ROCK2: variants seen among roughly 807,000 people sequenced by gnomAD.
ROCK2 encodes rho-associated protein kinase 2.
In ROCK2, 61 loss-of-function variants were observed where a neutral mutation model predicts 195.1. The ratio of observed to expected loss-of-function variants is 0.31; its 90% CI spans 0.25 to 0.39. The LOEUF (loss-of-function observed/expected upper bound fraction) is 0.39, where lower values mean the gene tolerates loss of function less well. Ranked by LOEUF, ROCK2 falls within the 10% of genes least tolerant of loss-of-function variation. ROCK2 has a pLI of 1.00. For missense variants in ROCK2, 1,109 were observed against 1,637.4 expected (o/e 0.68, Z 5.57); for synonymous variants, 504 against 545.5 (o/e 0.92, Z 1.06).
intron 18 of ROCK2, 66 bp downstream of exon 18, chr2:11,211,615 A>C: frequency 7.0e-7 from 1 of 1,424,586 alleles, no homozygotes; most frequent in South Asian, 1.7e-5. Flanking sequence ...TTCAAAACCA[A>C]AAAGCTAACA....
At chr2:11,326,570 G>A (rs934101066) in intron 1 of ROCK2, among the ~76,000 whole-genome samples, 2 of 152,120 alleles carry the variant, frequency 1.3e-5, no homozygotes, top group Admixed American at 6.6e-5. Flanking sequence ...CTGAGGTTTC[G>A]TTTTTGTTTT....
intron 1 of ROCK2, among the ~76,000 whole-genome samples, chr2:11,339,772 T>C (rs1356986251): frequency 6.6e-6 from 1 of 152,100 alleles, no homozygotes; most frequent in Non-Finnish European, 1.5e-5. Context: ...ACAAATGTAG[T>C]AATCTATGAA....
At chr2:11,206,718 A>G (rs1177143009) in intron 20 of ROCK2, among the ~76,000 whole-genome samples, 1 of 152,256 alleles carries the variant, frequency 6.6e-6, no homozygotes, top group Non-Finnish European at 1.5e-5. Flanking sequence ...TAGCTGTAGT[A>G]GTTGTAACAG....
intron 4 of ROCK2, among the ~76,000 whole-genome samples, chr2:11,237,078 G>A (rs987583417): frequency 2.6e-5 from 4 of 152,196 alleles, no homozygotes; most frequent in African/African-American, 4.8e-5. Flanking sequence ...CTTGAACCCC[G>A]GAGGCGGAGG....
At chr2:11,313,521 C>G (rs1487448322) in intron 1 of ROCK2, among the ~76,000 whole-genome samples, 3 of 151,696 alleles carry the variant, frequency 2.0e-5, no homozygotes, top group Non-Finnish European at 4.4e-5. Context: ...AATCCTGGTA[C>G]CATGTTTCTA....
intron 3 of ROCK2, among the ~76,000 whole-genome samples, chr2:11,271,699 GAACTTGA>G (rs1666634144): frequency 6.6e-6 from 1 of 152,158 alleles, no homozygotes; most frequent in Non-Finnish European, 1.5e-5. Context: ...GGTGCTCTGG[GAACTTGA>G]AACAATGCCA....
chr2:11,336,953 A>G (rs1668947443), intron 1 of ROCK2, among the ~76,000 whole-genome samples: 3 of 152,182 alleles, frequency 2.0e-5, no homozygotes, highest in Admixed American at 6.5e-5. Context: ...TTAAAAAAAG[A>G]GATATGGGGC....
rs371469035 is a variant in ROCK2, at chr2:11,192,365, T to C, written c.3950-4A>G. On this transcript the variant is annotated splice_region_variant and splice_polypyrimidine_tract_variant and intron_variant, in intron 31 of 32. Coordinates refer to ENST00000315872, the MANE Select transcript of ROCK2 (RefSeq NM_004850.5). This position sits in a 1 kb window ranked among gnomAD's most constrained non-coding sequence, Gnocchi z 5.0. ...GCCGTTGAAATATCATAATATACTA[T>C]AAAGAAAAATTAGAAAAAAAAATTA... is the stretch of plus-strand genomic sequence containing the variant. 6.3e-7 allele frequency: 1 copy of C among 1,597,302 alleles called. No individual in the cohort carries two copies.
intron 32 of ROCK2, among the ~76,000 whole-genome samples, chr2:11,189,480 C>CTTCTAATA (rs1304905087): frequency 5.3e-5 from 8 of 152,172 alleles, no homozygotes; most frequent in Non-Finnish European, 1.0e-4. Context: ...ATTGGTTCTT[C>CTTCTAATA]TTCTAATACA....
Position 11,216,170 on chromosome 2 carries a change from C to T in ROCK2, c.1449G>A (p.Glu483=), listed in dbSNP as rs1356138392. 3 of 1,612,986 alleles carry T rather than the reference C, an allele frequency of 1.9e-6. No homozygotes were observed. Among genetic ancestry groups the T allele is most frequent in the Non-Finnish European group, 2.5e-6 (3 of 1,179,132 alleles). The change falls in exon 13 of 33, where the codon GAG becomes GAA. Residue 483 remains glutamate, a synonymous_variant. Transcript: ENST00000315872. ...GGGGCAACTTTACCTCCTCTTCTAG[C>T]TCCTTTGCTGTTTTTTCTAGGCGAG... is the stretch of plus-strand genomic sequence containing the variant. ...VNTRLEKTAK[E]LEEEITLRKS... is the part of the protein sequence containing the mutation.
chr2:11,332,946 A>G (rs1558402245), intron 1 of ROCK2, among the ~76,000 whole-genome samples: 1 of 152,232 alleles, frequency 6.6e-6, no homozygotes, highest in Admixed American at 6.5e-5. Context: ...TTCCACTTAT[A>G]TGGAATTTAC....
rs1663417839 is a variant in ROCK2, at chr2:11,191,414, C to CTA, written c.4163+733_4163+734insTA. The stretch of plus-strand genomic sequence containing the variant: ...TCAATTCCAAGGAATAACCACTTTA[C>CTA]CCATTAGCTAATATTTGCATTTTTA... On this transcript the variant is annotated intron_variant, in intron 32 of 32. Transcript: ENST00000315872. Among the ~76,000 whole-genome samples, 3 of 152,288 alleles carry CTA rather than the reference C, an allele frequency of 2.0e-5. 1 individual carries two copies. Among genetic ancestry groups the CTA allele is most frequent in the South Asian group, 4.1e-4 (2 of 4,830 alleles).
At chr2:11,273,835 A>G (rs1221228178) in intron 3 of ROCK2, among the ~76,000 whole-genome samples, 1 of 151,158 alleles carries the variant, frequency 6.6e-6, no homozygotes, top group Admixed American at 6.6e-5. Context: ...AGGCTGAGGC[A>G]GGAGAATGGC....
intron 15 of ROCK2, 66 bp downstream of exon 15, chr2:11,215,255 T>C: frequency 7.0e-7 from 1 of 1,423,082 alleles, no homozygotes. Flanking sequence ...ACACTGTCAA[T>C]TAAAACTAAT....
rs544947437 is a variant in ROCK2 at position 11,260,220 on chromosome 2, G to A, written c.325-10422C>T. On this transcript the variant is annotated intron_variant, in intron 3 of 32. Coordinates refer to ENST00000315872, the MANE Select transcript of ROCK2 (RefSeq NM_004850.5). ...CCCAGCACTTTGGGAGGCTGAGGCAGGTGTATCATCTGAGGTCAGGAGTTC... is the reference window on the plus strand; with the variant it reads ...CCCAGCACTTTGGGAGGCTGAGGCAAGTGTATCATCTGAGGTCAGGAGTTC... 3.4e-4 allele frequency among the ~76,000 whole-genome samples: 52 copies of A among 151,276 alleles called. 2 individuals carry two copies. In the South Asian group the frequency reaches 0.01, roughly 30 times the overall value.
At chr2:11,297,253 T>C (rs1667564877) in intron 1 of ROCK2, among the ~76,000 whole-genome samples, 1 of 152,128 alleles carries the variant, frequency 6.6e-6, no homozygotes, top group South Asian at 2.1e-4. Flanking sequence ...GAATTATGTA[T>C]ATGAAATTTT....
At chr2:11,238,894 C>G (rs761423472) in intron 4 of ROCK2, among the ~76,000 whole-genome samples, 1 of 151,778 alleles carries the variant, frequency 6.6e-6, no homozygotes, top group Non-Finnish European at 1.5e-5. Context: ...TTGTATAGAA[C>G]TGAGAACCCA....
At chr2:11,280,441 T>C (rs1666960442) in intron 3 of ROCK2, among the ~76,000 whole-genome samples, 1 of 144,580 alleles carries the variant, frequency 6.9e-6, no homozygotes, top group Non-Finnish European at 1.5e-5. Context: ...CTGGGCAACA[T>C]GGTGAAACCC....
intron 19 of ROCK2, 117 bp downstream of exon 19, chr2:11,208,170 C>T: frequency 3.5e-6 from 2 of 578,412 alleles, no homozygotes; most frequent in East Asian, 3.5e-5. Flanking sequence ...GTTAAACCAA[C>T]AGGTTGCAGA....
Sources: gnomAD v4.1 joint callset for allele counts (sites outside exome capture counted in the v4.1 genomes callset) on GRCh38, gnomAD v4.1.1 for gene constraint, Gnocchi (gnomAD v3.1) non-coding constraint, MANE v1.5 for transcripts, NCBI Gene and HGNC (gene_info 2026-07-23, HGNC 2026-07-21) for gene names.